Variants in LOXL2 observed in about 807,000 individuals in gnomAD.
LOXL2 encodes lysyl oxidase homolog 2.
LOXL2 carries 70 observed loss-of-function variants against 93.0 expected under a neutral mutation model. The observed-to-expected ratio is 0.75, with a 90% CI of 0.62 to 0.92. LOXL2 has a LOEUF of 0.92. LOXL2 is among the 40% of genes least tolerant of loss of function. The probability of loss-of-function intolerance (pLI) is 0.00; values close to 1 mark genes in which losing one functional copy is unlikely to be tolerated. For missense variants in LOXL2, 973 were observed against 1,054.9 expected, an observed-to-expected ratio of 0.92 and a Z score of 1.08; for synonymous variants, 438 against 413.2, an observed-to-expected ratio of 1.06 and a Z score of -0.73.
rs75276662 is a variant in LOXL2 at position 23,311,549 on chromosome 8, C to T, written c.1637-1638G>A. Among the ~76,000 whole-genome samples, 651 of 152,306 alleles carry T rather than the reference C, an allele frequency of 4.3e-3. 7 individuals are homozygous for T. Among genetic ancestry groups the T allele is most frequent in the African/African-American group, 0.015 (612 of 41,568 alleles). Reference sequence around the variant, plus strand: ...TGGGCTCTCCCGCCAGCTCGCAAGGCGAGGGATCGTTAATGTACCATGGTT... The same window carrying T: ...TGGGCTCTCCCGCCAGCTCGCAAGGTGAGGGATCGTTAATGTACCATGGTT... On this transcript the variant is annotated intron_variant, in intron 9 of 13. Transcript: ENST00000389131.
At chr8:23,344,553 GTC>G (rs2117185704) in intron 3 of LOXL2, among the ~76,000 whole-genome samples, 1 of 152,082 alleles carries the variant, frequency 6.6e-6, no homozygotes, top group East Asian at 1.9e-4. Context: ...CCCTGTATAT[GTC>G]TCTGTGTGTG....
intron 1 of LOXL2, among the ~76,000 whole-genome samples, chr8:23,375,206 C>A (rs1186389849): frequency 6.6e-6 from 1 of 152,142 alleles, no homozygotes; most frequent in Non-Finnish European, 1.5e-5. Context: ...ATAGGGAATC[C>A]TTTCCCCATT....
intron 3 of LOXL2, among the ~76,000 whole-genome samples, chr8:23,354,941 A>G (rs962045764): frequency 1.8e-5 from 1 of 55,758 alleles, no homozygotes; most frequent in Non-Finnish European, 3.0e-5. Context: ...GAATATATAT[A>G]TATATATATT....
intron 6 of LOXL2, among the ~76,000 whole-genome samples, chr8:23,324,592 G>A (rs980088392): frequency 1.3e-5 from 2 of 152,202 alleles, no homozygotes; most frequent in African/African-American, 2.4e-5. Flanking sequence ...CTACTCCTGT[G>A]TTCTGGAGCA....
In LOXL2 at chr8:23,350,805, CTG is replaced by C. The variant is rs1336425317; in HGVS notation, c.531+9283_531+9284del. Among the ~76,000 whole-genome samples, 7 of 152,268 alleles carry C rather than the reference CTG, an allele frequency of 4.6e-5. No individual in the cohort carries two copies. The South Asian group carries it at 1.5e-3, about 32-fold the overall frequency. Reference sequence around the variant, plus strand: ...TAACACTGCTGGAAAACTGAATGCTCTGTGTTTCATTTTCCAAGCAGGCAGCC... The same window carrying C: ...TAACACTGCTGGAAAACTGAATGCTCTGTTTCATTTTCCAAGCAGGCAGCC... On this transcript the variant is annotated intron_variant, in intron 3 of 13. Transcript: ENST00000389131.
Position 23,404,006 on chromosome 8 carries a change from T to C in LOXL2, c.-136A>G. ...GCTGGGACCGCGCTCTCCACGGTGG[T>C]CCCCCTCCGCTTCCGCCGCCGCTGA... On this transcript the variant is annotated 5_prime_UTR_variant, in exon 1 of 14. Transcript: ENST00000389131. The C allele has an allele frequency of 5.7e-6, 1 of 176,022 alleles. No individual in the cohort carries two copies. 10.9% of individuals were successfully genotyped at this position (176,022 alleles called of 1,614,324 possible).
chr8:23,319,316 G>T (rs1163064902), intron 8 of LOXL2, among the ~76,000 whole-genome samples: 1 of 152,192 alleles, frequency 6.6e-6, no homozygotes, highest in African/African-American at 2.4e-5. Flanking sequence ...GAGCTCAGCT[G>T]TTCTCAGCTG....
At chr8:23,313,679 A>G (rs1803350546) in intron 9 of LOXL2, among the ~76,000 whole-genome samples, 1 of 150,784 alleles carries the variant, frequency 6.6e-6, no homozygotes, top group South Asian at 2.1e-4. Flanking sequence ...CATTAGACCT[A>G]AAACCATAAA....
chr8:23,392,495 C>T (rs1221084058), intron 1 of LOXL2, among the ~76,000 whole-genome samples: 1 of 152,182 alleles, frequency 6.6e-6, no homozygotes, highest in Non-Finnish European at 1.5e-5. Flanking sequence ...ACTTGTGAAG[C>T]TGATCAGTTT....
intron 1 of LOXL2, among the ~76,000 whole-genome samples, chr8:23,387,439 C>A (rs1449476735): frequency 6.6e-6 from 1 of 152,176 alleles, no homozygotes; most frequent in African/African-American, 2.4e-5. Flanking sequence ...AATGCAGGGG[C>A]CCACTCAGAC....
intron 3 of LOXL2, among the ~76,000 whole-genome samples, chr8:23,350,511 A>C (rs35891090): frequency 0.31 from 46,512 of 151,874 alleles, 9,305 homozygotes; most frequent in African/African-American, 0.57. Context: ...CGGAGGTTGC[A>C]GTGAGCTGAG....
At chr8:23,327,676 T>C (rs1803602805) in intron 6 of LOXL2, among the ~76,000 whole-genome samples, 1 of 152,114 alleles carries the variant, frequency 6.6e-6, no homozygotes, top group Non-Finnish European at 1.5e-5. Flanking sequence ...TCTCCCCCTG[T>C]TGAATGACCA....
intron 1 of LOXL2, among the ~76,000 whole-genome samples, chr8:23,387,409 C>T (rs1424492358): frequency 6.6e-6 from 1 of 152,176 alleles, no homozygotes; most frequent in African/African-American, 2.4e-5. Flanking sequence ...TTACCCTCCC[C>T]AGGGTCTCGG....
intron 11 of LOXL2, 104 bp from the exon 12 acceptor site, chr8:23,302,267 G>T: frequency 7.1e-7 from 1 of 1,411,074 alleles, no homozygotes; most frequent in Non-Finnish European, 9.9e-7. Flanking sequence ...TCTGGGCTCG[G>T]CATCCCACCC....
At chr8:23,353,297 GCT>G (rs1243317884) in intron 3 of LOXL2, among the ~76,000 whole-genome samples, 1 of 152,186 alleles carries the variant, frequency 6.6e-6, no homozygotes, top group East Asian at 1.9e-4. Flanking sequence ...TTTGGTTGGG[GCT>G]CTGTTTGCCA....
At chr8:23,300,704 C>T (rs192417585) in intron 12 of LOXL2, among the ~76,000 whole-genome samples, 38 of 152,118 alleles carry the variant, frequency 2.5e-4, no homozygotes, top group East Asian at 1.9e-3. Context: ...GTTGGGTGGC[C>T]GTGAAATGAG....
intron 5 of LOXL2, among the ~76,000 whole-genome samples, chr8:23,330,561 C>T (rs187264357): frequency 2.0e-5 from 3 of 151,974 alleles, no homozygotes; most frequent in Admixed American, 2.0e-4. Context: ...TATGGCCAAG[C>T]AGTCAGCTGG....
intron 3 of LOXL2, among the ~76,000 whole-genome samples, chr8:23,355,333 G>C (rs1420129043): frequency 1.3e-5 from 2 of 151,750 alleles, no homozygotes; most frequent in Non-Finnish European, 2.9e-5. Context: ...CTCTTTTCTT[G>C]ACAAAAAACT....
chr8:23,339,444 G>A (rs1267588535), intron 4 of LOXL2, among the ~76,000 whole-genome samples: 2 of 152,140 alleles, frequency 1.3e-5, no homozygotes, highest in Non-Finnish European at 2.9e-5. Context: ...AATCCAGCAC[G>A]TGACAGGATT....
Sources: allele counts gnomAD v4.1 joint callset (sites outside exome capture counted in the v4.1 genomes callset), GRCh38; gene constraint gnomAD v4.1.1; transcripts MANE v1.5; gene names NCBI Gene and HGNC (gene_info 2026-07-23, HGNC 2026-07-21).